Variants in C4orf17 observed in about 807,000 individuals in gnomAD.
The protein encoded by C4orf17 is chromosome 4 open reading frame 17, also known as uncharacterized protein C4orf17.
A neutral mutation model predicts 32.0 loss-of-function variants in C4orf17; 25 were observed. The observed-to-expected ratio is 0.78, with a 90% CI of 0.57 to 1.09. The LOEUF (loss-of-function observed/expected upper bound fraction) is 1.09. Ranked by LOEUF, C4orf17 falls within the 50% of genes least tolerant of loss-of-function variation. C4orf17 has a pLI of 0.00. For synonymous variants in C4orf17, 149 were observed against 145.8 expected, an observed-to-expected ratio of 1.02 and a Z score of -0.16; for missense variants, 420 against 420.0, an observed-to-expected ratio of 1.00 and a Z score of 0.00.
chr4:99,522,377 T>C (rs1723301253), intron 2 of C4orf17, 123 bp from the exon 3 acceptor site: 5 of 773,446 alleles, frequency 6.5e-6, no homozygotes, highest in African/African-American at 1.8e-5. Flanking sequence ...CAATTTGAAG[T>C]TCAACATTTT....
chr4:99,520,229 AC>A (rs1723262895), intron 2 of C4orf17, among the ~76,000 whole-genome samples: 1 of 151,026 alleles, frequency 6.6e-6, no homozygotes, highest in African/African-American at 2.4e-5. Context: ...AGCTGGAACT[AC>A]AGGCGCCTGC....
intron 2 of C4orf17, among the ~76,000 whole-genome samples, chr4:99,520,280 A>G (rs181859254): frequency 1.6e-4 from 24 of 151,728 alleles, no homozygotes; most frequent in Middle Eastern, 3.4e-3. Context: ...TATTTTTAGT[A>G]GAGATGGTGT....
chr4:99,513,134 A>C lies in C4orf17; in HGVS notation c.53A>C (p.His18Pro). ...CTTCAGATCGAGGGCAAAGGCAGCC[A>C]TATTATGGCTAGAAATGTAAGCTGC... ...SALQIEGKGSHIMARNVSCFL... is the reference protein window; with the variant it reads ...SALQIEGKGSPIMARNVSCFL... Residue 18 changes from histidine (H) to proline (P), a missense_variant, in exon 2 of 9, where the codon CAT (histidine) becomes CCT (proline). Physicochemically the swap from His to Pro is moderately conservative, Grantham distance 77. Transcript: ENST00000326581. The C allele has an allele frequency of 6.2e-7, 1 of 1,613,908 alleles. No homozygotes were observed. The highest frequency in any genetic ancestry group is 1.1e-5 in the South Asian group (1 of 91,076).
chr4:99,528,254 T>C (rs1319091921), intron 4 of C4orf17, among the ~76,000 whole-genome samples: 1 of 152,202 alleles, frequency 6.6e-6, no homozygotes, highest in Non-Finnish European at 1.5e-5. Context: ...AATAAGTTTA[T>C]TGATTTTATT....
Position 99,512,998 on chromosome 4 carries a change from A to C in C4orf17, c.-84A>C. ...CATTTTGTGATTTCAGGGTCTGAGCACATCTGGAAGTGAGGTCAATCAAGT... is the reference window on the plus strand; with the variant it reads ...CATTTTGTGATTTCAGGGTCTGAGCCCATCTGGAAGTGAGGTCAATCAAGT... On this transcript the variant is annotated 5_prime_UTR_variant, in exon 2 of 9. Coordinates refer to ENST00000326581, the MANE Select transcript of C4orf17 (RefSeq NM_032149.3). 7.0e-7 allele frequency: 1 copy of C among 1,435,126 alleles called. No homozygotes were observed. Among genetic ancestry groups the C allele is most frequent in the Admixed American group, 1.8e-5 (1 of 56,996 alleles). 88.9% of individuals were successfully genotyped at this position (1,435,126 alleles called of 1,614,324 possible). A position where few individuals can be genotyped will look rare whatever the true frequency, so the allele number is the denominator to read the frequency against.
intron 2 of C4orf17, 96 bp downstream of exon 2, chr4:99,513,304 A>G: frequency 2.8e-6 from 4 of 1,452,646 alleles, no homozygotes; most frequent in Non-Finnish European, 3.8e-6. Context: ...TATTCAAAAT[A>G]TTTAACCACT....
chr4:99,516,509 A>T (rs916815093), intron 2 of C4orf17, among the ~76,000 whole-genome samples: 1 of 152,248 alleles, frequency 6.6e-6, no homozygotes, highest in Non-Finnish European at 1.5e-5. Flanking sequence ...TTTATTTGCA[A>T]TGAAAATATA....
At chr4:99,536,452 C>T (rs1723564132) in intron 5 of C4orf17, among the ~76,000 whole-genome samples, 1 of 152,166 alleles carries the variant, frequency 6.6e-6, no homozygotes, top group East Asian at 1.9e-4. Flanking sequence ...AGGCCCCACC[C>T]AGTGAGGAGG....
In C4orf17 at chr4:99,522,626, C is replaced by G. The variant is rs199746540; in HGVS notation, c.254C>G (p.Ser85Cys). The change falls in exon 3 of 9, where the codon TCC (serine) becomes TGC (cysteine). Residue 85 changes from serine (S) to cysteine (C), a missense_variant. Ser to Cys is a moderately radical substitution (Grantham distance 112). Coordinates refer to ENST00000326581, the MANE Select transcript of C4orf17 (RefSeq NM_032149.3). Reference sequence around the variant, plus strand: ...CCATTTGCCAATTGCAGTTACCCCTCCAGCACTGCAGTCCAGGAGAGCCCT... The same window carrying G: ...CCATTTGCCAATTGCAGTTACCCCTGCAGCACTGCAGTCCAGGAGAGCCCT... ...RIPFANCSYP[S>C]STAVQESPVR... The G allele has an allele frequency of 1.7e-5, 27 of 1,613,804 alleles. No homozygotes were observed. Among genetic ancestry groups the G allele is most frequent in the Non-Finnish European group, 2.2e-5 (26 of 1,179,924 alleles).
Position 99,540,452 on chromosome 4 carries a change from A to C in C4orf17, c.877A>C (p.Lys293Gln). The C allele has an allele frequency of 6.2e-7, 1 of 1,608,738 alleles. No homozygotes were observed. The highest frequency in any genetic ancestry group is 8.5e-7 in the Non-Finnish European group (1 of 1,175,430). Residue 293 changes from lysine (K) to glutamine (Q), a missense_variant, in exon 8 of 9, where the codon AAA (lysine) becomes CAA (glutamine). Physicochemically the swap from Lys to Gln is moderately conservative, Grantham distance 53 (BLOSUM62 1). Coordinates refer to ENST00000326581, the MANE Select transcript of C4orf17 (RefSeq NM_032149.3). ...ATCTGAAGAAAACAAGGAAGTACCA[A>C]AAGGTTAAGTACAGTTTTTGGTAAC... ...QGSEENKEVP[K>Q]EAEHKPPLLI... is the part of the protein sequence containing the mutation.
chr4:99,524,464 T>C (rs1479114471), intron 3 of C4orf17, 57 bp from the exon 4 acceptor site: 2 of 1,008,038 alleles, frequency 2.0e-6, no homozygotes, highest in Non-Finnish European at 3.1e-6. Flanking sequence ...ATATATCATG[T>C]GATATAAATT....
chr4:99,537,584 G>GTT, intron 5 of C4orf17, 85 bp from the exon 6 acceptor site: 1 of 931,754 alleles, frequency 1.1e-6, no homozygotes, highest in Non-Finnish European at 1.7e-6. Flanking sequence ...TATTTGGGAA[G>GTT]ATGGGATTCT....
At chr4:99,514,675 C>A (rs1036248002) in intron 2 of C4orf17, among the ~76,000 whole-genome samples, 31 of 152,100 alleles carry the variant, frequency 2.0e-4, no homozygotes, top group African/African-American at 7.0e-4. Flanking sequence ...TAGTGTACAA[C>A]CACTGTGGAA....
At chr4:99,524,006 G>A (rs1485649615) in intron 3 of C4orf17, among the ~76,000 whole-genome samples, 2 of 134,030 alleles carry the variant, frequency 1.5e-5, no homozygotes, top group African/African-American at 2.9e-5. Context: ...TTGAGACGGA[G>A]TCTTGCTCTG....
rs377503348 is a variant in C4orf17 at position 99,542,152 on chromosome 4, C to T, written c.*43C>T. 3.2e-5 allele frequency: 47 copies of T among 1,489,376 alleles called. No homozygotes were observed. The highest frequency in any genetic ancestry group is 4.2e-5 in the African/African-American group (3 of 72,084). The allele number at this position is 1,489,376 out of a possible 1,614,324, so 92.3% of individuals were successfully genotyped here. The stretch of plus-strand genomic sequence containing the variant: ...AATTCTTTCATGAATATGAGCTTCA[C>T]ATTTACATCATCAAATTATTTTTCA... On this transcript the variant is annotated 3_prime_UTR_variant, in exon 9 of 9. Coordinates refer to ENST00000326581, the MANE Select transcript of C4orf17 (RefSeq NM_032149.3).
rs1723120591 is a variant in C4orf17 at position 99,512,987 on chromosome 4, A to G, written c.-93-2A>G. Reference sequence around the variant, plus strand: ...AGAATGTTTGTCATTTTGTGATTTCAGGGTCTGAGCACATCTGGAAGTGAG... The same window carrying G: ...AGAATGTTTGTCATTTTGTGATTTCGGGGTCTGAGCACATCTGGAAGTGAG... On this transcript the variant is annotated splice_acceptor_variant, in intron 1 of 8. Coordinates refer to ENST00000326581, the MANE Select transcript of C4orf17 (RefSeq NM_032149.3). LOFTEE classifies it low-confidence loss of function (5UTR_SPLICE). 1 of 1,256,660 alleles carries G rather than the reference A, an allele frequency of 8.0e-7. No homozygotes were observed. Among genetic ancestry groups the G allele is most frequent in the Non-Finnish European group, 1.1e-6 (1 of 890,218 alleles). The allele number at this position is 1,256,660 out of a possible 1,614,324, so 77.8% of individuals were successfully genotyped here. A position where few individuals can be genotyped will look rare whatever the true frequency, so the allele number is the denominator to read the frequency against.
chr4:99,527,465 T>C (rs917588115), intron 4 of C4orf17, among the ~76,000 whole-genome samples: 2 of 152,200 alleles, frequency 1.3e-5, no homozygotes, highest in Non-Finnish European at 2.9e-5. Flanking sequence ...CCAAACTTTT[T>C]TGGAAGACTA....
intron 7 of C4orf17, among the ~76,000 whole-genome samples, chr4:99,539,851 C>A (rs1164049341): frequency 6.6e-6 from 1 of 151,924 alleles, no homozygotes; most frequent in Non-Finnish European, 1.5e-5. Context: ...ACTCCTGGGG[C>A]CCCCTAGAGA....
At chr4:99,524,082 C>T (rs948466772) in intron 3 of C4orf17, among the ~76,000 whole-genome samples, 2 of 150,864 alleles carry the variant, frequency 1.3e-5, no homozygotes, top group Non-Finnish European at 2.9e-5. Context: ...TGGGTTCACG[C>T]CATTCTCCTG....
Sources: gnomAD v4.1 joint callset for allele counts (sites outside exome capture counted in the v4.1 genomes callset) on GRCh38, gnomAD v4.1.1 for gene constraint, MANE v1.5 for transcripts, NCBI Gene and HGNC (gene_info 2026-07-23, HGNC 2026-07-21) for gene names.